The following NEURL1B variants were observed in gnomAD, a reference collection of about 807,000 sequenced individuals.
NEURL1B encodes the protein E3 ubiquitin-protein ligase NEURL1B.
A neutral mutation model predicts 37.4 loss-of-function variants in NEURL1B; 13 were observed. That is an observed-to-expected ratio of 0.35 (90% CI 0.23 to 0.55). NEURL1B has a LOEUF of 0.55. Ranked by LOEUF, NEURL1B falls within the 20% of genes least tolerant of loss-of-function variation. The probability of loss-of-function intolerance (pLI) is 0.89; values close to 1 mark genes in which losing one functional copy is unlikely to be tolerated. For missense variants in NEURL1B, 790 were observed against 879.2 expected (o/e 0.90, Z 1.28); for synonymous variants, 432 against 426.6 (o/e 1.01, Z -0.16).
chr5:172,679,468 T>A (rs796642641), intron 2 of NEURL1B, among the ~76,000 whole-genome samples: 1 of 152,246 alleles, frequency 6.6e-6, no homozygotes, highest in South Asian at 2.1e-4. Context: ...TGCCTCTTGA[T>A]GTTGCTGGAT....
rs533781090 is a variant in NEURL1B at position 172,686,648 on chromosome 5, T to G, written c.1424-33T>G. 1.3e-6 allele frequency: 2 copies of G among 1,532,974 alleles called. No homozygotes were observed. Among genetic ancestry groups the G allele is most frequent in the Non-Finnish European group, 8.8e-7 (1 of 1,132,510 alleles). 95.0% of individuals were successfully genotyped at this position (1,532,974 alleles called of 1,614,324 possible). Reference sequence around the variant, plus strand: ...AACAGAGCCCACCTGAGAGAGACATTGTTAACATATGTCCTCTTCTCCCTT... The same window carrying G: ...AACAGAGCCCACCTGAGAGAGACATGGTTAACATATGTCCTCTTCTCCCTT... On this transcript the variant is annotated intron_variant, in intron 4 of 4. Transcript: ENST00000369800. This position sits in a 1 kb window ranked among gnomAD's most constrained non-coding sequence, Gnocchi z 7.9.
chr5:172,689,436 T>C lies in NEURL1B; in HGVS notation c.*2511T>C, dbSNP rs972474720. Reference sequence around the variant, plus strand: ...GTCACATCAAAGACACTGCTGGTCATAAAACACTGTTTTACATACCATAGG... The same window carrying C: ...GTCACATCAAAGACACTGCTGGTCACAAAACACTGTTTTACATACCATAGG... On this transcript the variant is annotated 3_prime_UTR_variant, in exon 5 of 5. Transcript: ENST00000369800. 2 of 152,220 alleles carry C rather than the reference T, an allele frequency of 1.3e-5. No individual in the cohort carries two copies. The highest frequency in any genetic ancestry group is 1.3e-4 in the Admixed American group (2 of 15,282). 9.4% of individuals were successfully genotyped at this position (152,220 alleles called of 1,614,324 possible).
At chr5:172,681,603 C>T (rs1758354656) in intron 2 of NEURL1B, among the ~76,000 whole-genome samples, 1 of 152,198 alleles carries the variant, frequency 6.6e-6, no homozygotes, top group Admixed American at 6.5e-5. Flanking sequence ...AATACAAGGG[C>T]AAGCTTCTTT....
chr5:172,651,467 T>TG (rs1400562148), intron 1 of NEURL1B, among the ~76,000 whole-genome samples: 1 of 152,238 alleles, frequency 6.6e-6, no homozygotes, highest in Non-Finnish European at 1.5e-5. Flanking sequence ...CCCGAGTTGC[T>TG]GGCTAACTCA....
rs571558777 is a variant in NEURL1B at position 172,677,345 on chromosome 5, C to T, written c.578-6074C>T. The stretch of plus-strand genomic sequence containing the variant: ...CGCCAGCCTGTCCCACCAAGGGCTT[C>T]TGAAGGCCTGTTCTATGCAGGCACG... On this transcript the variant is annotated intron_variant, in intron 2 of 4. Transcript: ENST00000369800. Among the ~76,000 whole-genome samples the T allele has an allele frequency of 2.0e-5, 3 of 152,300 alleles. No homozygotes were observed. The East Asian group carries it at 5.8e-4, about 29-fold the overall frequency.
intron 1 of NEURL1B, among the ~76,000 whole-genome samples, chr5:172,644,508 C>G (rs1304660986): frequency 6.6e-6 from 1 of 152,172 alleles, no homozygotes; most frequent in African/African-American, 2.4e-5. Flanking sequence ...TGTTTATGAT[C>G]GATTGCGGAA....
At chr5:172,649,296 G>A (rs1757616854) in intron 1 of NEURL1B, among the ~76,000 whole-genome samples, 2 of 150,082 alleles carry the variant, frequency 1.3e-5, no homozygotes, top group Non-Finnish European at 3.0e-5. Flanking sequence ...GTCTTCCAGG[G>A]AATGCCTTCC....
Position 172,684,106 on chromosome 5 carries a change from G to T in NEURL1B, c.1265G>T (p.Arg422Leu). Residue 422 changes from arginine (R) to leucine (L), a missense_variant, in exon 3 of 5, where the codon CGC (arginine) becomes CTC (leucine). Coordinates refer to ENST00000369800, the MANE Select transcript of NEURL1B (RefSeq NM_001142651.3). ...TQALWAFFAV[R>L]GGVAGQLRLL... ...GCGCTCTGGGCCTTCTTCGCCGTGCGCGGCGGCGTCGCGGGCCAGCTGCGT... is the reference window on the plus strand; with the variant it reads ...GCGCTCTGGGCCTTCTTCGCCGTGCTCGGCGGCGTCGCGGGCCAGCTGCGT... 1 of 1,265,424 alleles carries T rather than the reference G, an allele frequency of 7.9e-7. No individual in the cohort carries two copies. Among genetic ancestry groups the T allele is most frequent in the South Asian group, 2.6e-5 (1 of 38,836 alleles). 78.4% of individuals were successfully genotyped at this position (1,265,424 alleles called of 1,614,324 possible). A position where few individuals can be genotyped will look rare whatever the true frequency, so the allele number is the denominator to read the frequency against.
At chr5:172,642,350 T>C (rs575880830) in intron 1 of NEURL1B, among the ~76,000 whole-genome samples, 9 of 152,222 alleles carry the variant, frequency 5.9e-5, no homozygotes, top group African/African-American at 2.2e-4. Flanking sequence ...TGTGTCTCTC[T>C]GCCCTCCCTC....
Position 172,670,304 on chromosome 5 carries a change from G to C in NEURL1B, c.551G>C (p.Gly184Ala). The C allele has an allele frequency of 7.3e-7, 1 of 1,372,836 alleles. No individual in the cohort carries two copies. The highest frequency in any genetic ancestry group is 9.4e-7 in the Non-Finnish European group (1 of 1,067,314). The allele number at this position is 1,372,836 out of a possible 1,614,324, so 85.0% of individuals were successfully genotyped here. A position where few individuals can be genotyped will look rare whatever the true frequency, so the allele number is the denominator to read the frequency against. The change falls in exon 2 of 5, where the codon GGC becomes GCC. Residue 184 changes from glycine to alanine, a missense_variant. Around this residue, in one of 3 missense-constraint regions of NEURL1B, gnomAD observed 215 missense variants for 309.2 expected, o/e 0.70. Coordinates refer to ENST00000369800, the MANE Select transcript of NEURL1B (RefSeq NM_001142651.3). ...CTCTGGGCGCTCATTGATGTCTACG[G>C]CATCACCGACGAGGTGCAGCTTCTG... is the stretch of plus-strand genomic sequence containing the variant. ...GPLWALIDVY[G>A]ITDEVQLLES...
Position 172,686,989 on chromosome 5 carries a change from C to T in NEURL1B, c.*64C>T. 22 of 1,498,152 alleles carry T rather than the reference C, an allele frequency of 1.5e-5. No individual in the cohort carries two copies. The highest frequency in any genetic ancestry group is 2.0e-5 in the Non-Finnish European group (22 of 1,113,478). The allele number at this position is 1,498,152 out of a possible 1,614,324, so 92.8% of individuals were successfully genotyped here. A position where few individuals can be genotyped will look rare whatever the true frequency, so the allele number is the denominator to read the frequency against. Reference sequence around the variant, plus strand: ...CTTTCTGAAGGCCCCCTGGGCTGGGCAACCACATGGCTGCCAGGGAGTCCA... The same window carrying T: ...CTTTCTGAAGGCCCCCTGGGCTGGGTAACCACATGGCTGCCAGGGAGTCCA... On this transcript the variant is annotated 3_prime_UTR_variant, in exon 5 of 5. Transcript: ENST00000369800. The surrounding 1 kb of genome is among the most constrained non-coding windows in gnomAD (Gnocchi z 7.9).
chr5:172,682,711 G>A (rs1758381064), intron 2 of NEURL1B, among the ~76,000 whole-genome samples: 1 of 152,220 alleles, frequency 6.6e-6, no homozygotes. Flanking sequence ...CAGCAGTGAG[G>A]ACAGACCCAG....
chr5:172,686,615 G>A lies in NEURL1B; in HGVS notation c.1424-66G>A, dbSNP rs1015543050. The A allele has an allele frequency of 4.7e-6, 7 of 1,497,998 alleles. No individual in the cohort carries two copies. Among genetic ancestry groups the A allele is most frequent in the Non-Finnish European group, 6.3e-6 (7 of 1,110,824 alleles). The allele number at this position is 1,497,998 out of a possible 1,614,324, so 92.8% of individuals were successfully genotyped here. A position where few individuals can be genotyped will look rare whatever the true frequency, so the allele number is the denominator to read the frequency against. The stretch of plus-strand genomic sequence containing the variant: ...CAGCAAGAAGCCCTGCATTCTCGGG[G>A]TTGCCCCAACAGAGCCCACCTGAGA... On this transcript the variant is annotated intron_variant, in intron 4 of 4. Coordinates refer to ENST00000369800, the MANE Select transcript of NEURL1B (RefSeq NM_001142651.3). The surrounding 1 kb of genome is among the most constrained non-coding windows in gnomAD (Gnocchi z 7.9).
chr5:172,655,347 C>G (rs1757752003), intron 1 of NEURL1B, among the ~76,000 whole-genome samples: 1 of 152,080 alleles, frequency 6.6e-6, no homozygotes, highest in African/African-American at 2.4e-5. Context: ...GACCTGTTTC[C>G]CTCCTTTCCC....
In NEURL1B at chr5:172,687,999, A is replaced by G. The variant is rs940002107; in HGVS notation, c.*1074A>G. ...CTCAGTGTATCTTCCTCCGCTGGTTACTAAAGTGTTCACTGATAAGTATGT... is the reference window on the plus strand; with the variant it reads ...CTCAGTGTATCTTCCTCCGCTGGTTGCTAAAGTGTTCACTGATAAGTATGT... On this transcript the variant is annotated 3_prime_UTR_variant, in exon 5 of 5. Transcript: ENST00000369800. 5 of 152,662 alleles carry G rather than the reference A, an allele frequency of 3.3e-5. No homozygotes were observed. The highest frequency in any genetic ancestry group is 1.2e-4 in the African/African-American group (5 of 41,458). 9.5% of individuals were successfully genotyped at this position (152,662 alleles called of 1,614,324 possible).
chr5:172,681,316 CAA>C (rs1382519875), intron 2 of NEURL1B, among the ~76,000 whole-genome samples: 9 of 152,142 alleles, frequency 5.9e-5, no homozygotes, highest in African/African-American at 1.9e-4. Context: ...GATCTCACCC[CAA>C]GAGATAATTA....
chr5:172,664,163 G>A (rs1299426201), intron 1 of NEURL1B, among the ~76,000 whole-genome samples: 1 of 152,184 alleles, frequency 6.6e-6, no homozygotes, highest in Admixed American at 6.5e-5. Flanking sequence ...GAGTACTTCA[G>A]TGGTACTTAT....
At chr5:172,644,295 G>C (rs1757522181) in intron 1 of NEURL1B, among the ~76,000 whole-genome samples, 1 of 152,196 alleles carries the variant, frequency 6.6e-6, no homozygotes, top group Non-Finnish European at 1.5e-5. Context: ...GAGAGGTAAA[G>C]TGGCTTGTCC....
rs1200795788 is a variant in NEURL1B, at chr5:172,676,187, CAT to C, written c.577+5858_577+5859del. 1.3e-5 allele frequency among the ~76,000 whole-genome samples: 2 copies of C among 151,956 alleles called. No individual in the cohort carries two copies. Among genetic ancestry groups the C allele is most frequent in the African/African-American group, 4.8e-5 (2 of 41,402 alleles). ...AAAAAAAGAGGAAGCATTAATGTCT[CAT>C]GTGGCTGAAAATTCCTGGGAATGGT... On this transcript the variant is annotated intron_variant, in intron 2 of 4. Transcript: ENST00000369800. This position sits in a 1 kb window ranked among gnomAD's most constrained non-coding sequence, Gnocchi z 4.5.
Sources: allele counts gnomAD v4.1 joint callset (sites outside exome capture counted in the v4.1 genomes callset), GRCh38; gene constraint gnomAD v4.1.1; regional missense constraint gnomAD v4.1.1; non-coding constraint Gnocchi (gnomAD v3.1); transcripts MANE v1.5; gene names NCBI Gene and HGNC (gene_info 2026-07-23, HGNC 2026-07-21).